The following SIDT1 variants were observed in gnomAD, a reference collection of about 807,000 sequenced individuals.
SIDT1 encodes the protein SID1 transmembrane family member 1, also known as SID1 transmembrane family, member 1.
SIDT1 carries 101 observed loss-of-function variants against 107.5 expected under a neutral mutation model. That is an observed-to-expected ratio of 0.94 (90% CI 0.80 to 1.11). The LOEUF is 1.11. SIDT1 is among the 50% of genes least tolerant of loss of function. The probability of loss-of-function intolerance (pLI) is 0.00; values close to 1 mark genes in which losing one functional copy is unlikely to be tolerated. For missense variants in SIDT1, 1,076 were observed against 1,058.2 expected (o/e 1.02, Z -0.23); for synonymous variants, 395 against 398.2 (o/e 0.99, Z 0.10).
At chr3:113,605,777 G>A (rs921252749) in intron 14 of SIDT1, among the ~76,000 whole-genome samples, 2 of 152,132 alleles carry the variant, frequency 1.3e-5, no homozygotes, top group East Asian at 3.9e-4. Flanking sequence ...GCCTAGGCAG[G>A]TGGATTGCCT....
At chr3:113,617,921 C>T (rs1946215879) in intron 20 of SIDT1, among the ~76,000 whole-genome samples, 1 of 152,182 alleles carries the variant, frequency 6.6e-6, no homozygotes, top group Non-Finnish European at 1.5e-5. Flanking sequence ...GATGAGCCTA[C>T]ACTGACACAT....
chr3:113,580,611 T>C lies in SIDT1; in HGVS notation c.565T>C (p.Phe189Leu). 6.3e-7 allele frequency: 1 copy of C among 1,586,496 alleles called. No individual in the cohort carries two copies. Among genetic ancestry groups the C allele is most frequent in the Non-Finnish European group, 8.7e-7 (1 of 1,155,288 alleles). The change falls in exon 5 of 25, where the codon TTT (phenylalanine) becomes CTT (leucine). Residue 189 changes from phenylalanine (F) to leucine (L), a missense_variant. Physicochemically the swap from Phe to Leu is conservative, Grantham distance 22. Transcript: ENST00000264852. The stretch of plus-strand genomic sequence containing the variant: ...TCTTTCTTTTTCTTATTCTCAGTAT[T>C]TTCTATACAAGTTTCCCAAAGACGT... The part of the protein sequence containing the change: ...FTASPSQPQY[F>L]LYKFPKDVDS...
intron 1 of SIDT1, among the ~76,000 whole-genome samples, chr3:113,547,568 G>T (rs1427912356): frequency 6.6e-6 from 1 of 152,110 alleles, no homozygotes; most frequent in Non-Finnish European, 1.5e-5. Flanking sequence ...TTTTGTACAA[G>T]ATTGAATAGG....
chr3:113,588,491 A>G (rs1341485945), intron 9 of SIDT1, among the ~76,000 whole-genome samples: 1 of 152,228 alleles, frequency 6.6e-6, no homozygotes, highest in Non-Finnish European at 1.5e-5. Context: ...AGTACGTGCT[A>G]TGAGATCAGG....
chr3:113,547,692 T>C (rs1939754003), intron 1 of SIDT1, among the ~76,000 whole-genome samples: 1 of 152,132 alleles, frequency 6.6e-6, no homozygotes, highest in Admixed American at 6.5e-5. Context: ...AAGAAAGCTA[T>C]TTATAATTCA....
chr3:113,629,693 G>A (rs1304892954), downstream of SIDT1: 2 of 152,222 alleles, frequency 1.3e-5, no homozygotes, highest in South Asian at 2.1e-4. Context: ...TGGCTGAAGC[G>A]AATAAATTTT....
intron 3 of SIDT1, among the ~76,000 whole-genome samples, chr3:113,575,602 T>C (rs1340399346): frequency 6.6e-6 from 1 of 152,256 alleles, no homozygotes. Flanking sequence ...AGTAGATATA[T>C]AAAAATTACA....
intron 19 of SIDT1, among the ~76,000 whole-genome samples, chr3:113,613,120 T>C (rs1262402148): frequency 6.6e-6 from 1 of 152,262 alleles, no homozygotes. Flanking sequence ...TGGTTGTGTC[T>C]TAAGGAGTCT....
At chr3:113,534,864 G>T (rs925465320) in intron 1 of SIDT1, among the ~76,000 whole-genome samples, 4 of 152,170 alleles carry the variant, frequency 2.6e-5, no homozygotes, top group Non-Finnish European at 5.9e-5. Flanking sequence ...TACTGTGTGA[G>T]TTTTGCACTT....
chr3:113,573,006 T>C (rs551069310), intron 3 of SIDT1, among the ~76,000 whole-genome samples: 3 of 148,562 alleles, frequency 2.0e-5, no homozygotes, highest in South Asian at 4.2e-4. Flanking sequence ...CTTTTTTTTT[T>C]TTTCTCTCTT....
chr3:113,594,972 G>A (rs548203288), intron 10 of SIDT1: 5 of 154,372 alleles, frequency 3.2e-5, no homozygotes, highest in Non-Finnish European at 4.4e-5. Flanking sequence ...CAGCACCAGA[G>A]GGAAGGACCT....
In SIDT1 at chr3:113,607,057, G is replaced by T; in HGVS notation, c.1421G>T (p.Gly474Val). The change falls in exon 15 of 25, where the codon GGC becomes GTC. Residue 474 changes from glycine (G) to valine (V), a missense_variant. Coordinates refer to ENST00000264852, the MANE Select transcript of SIDT1 (RefSeq NM_017699.3). ...ITYQTVVNVT[G>V]NQDICYYNFL... Reference sequence around the variant, plus strand: ...ATTTTACAGGTGGTAAATGTCACTGGCAACCAGGACATCTGTTACTACAAC... The same window carrying T: ...ATTTTACAGGTGGTAAATGTCACTGTCAACCAGGACATCTGTTACTACAAC... The T allele has an allele frequency of 6.2e-7, 1 of 1,611,802 alleles. No individual in the cohort carries two copies. The highest frequency in any genetic ancestry group is 8.5e-7 in the Non-Finnish European group (1 of 1,177,922).
Position 113,601,637 on chromosome 3 carries a change from A to T in SIDT1, c.1095A>T (p.Glu365Asp). ...ATCCCATTGCTGCCAGCACACCCGA[A>T]GGGAGCAATTATGGGACAATAGGTA... Reference protein sequence around the residue: ...ASHPIAASTPEGSNYGTIDES... With the variant: ...ASHPIAASTPDGSNYGTIDES... The change falls in exon 11 of 25, where the codon GAA (glutamate) becomes GAT (aspartate). Residue 365 changes from glutamate (E) to aspartate (D), a missense_variant. Transcript: ENST00000264852. 1.9e-6 allele frequency: 3 copies of T among 1,613,772 alleles called. No individual in the cohort carries two copies. The highest frequency in any genetic ancestry group is 2.7e-5 in the African/African-American group (2 of 75,040).
In SIDT1 at chr3:113,627,723, G is replaced by C. The variant is rs527801900; in HGVS notation, c.*15G>C. ...CTGTCTTCTGAACCTCCAACATTAAGAGAGGGGAGGGAGCGATCAATCTTG... is the reference window on the plus strand; with the variant it reads ...CTGTCTTCTGAACCTCCAACATTAACAGAGGGGAGGGAGCGATCAATCTTG... On this transcript the variant is annotated 3_prime_UTR_variant, in exon 25 of 25. Coordinates refer to ENST00000264852, the MANE Select transcript of SIDT1 (RefSeq NM_017699.3). 3.1e-6 allele frequency: 5 copies of C among 1,612,426 alleles called. No homozygotes were observed. In the South Asian group the frequency reaches 5.5e-5, roughly 18 times the overall value.
intron 6 of SIDT1, among the ~76,000 whole-genome samples, chr3:113,582,692 C>T (rs561969607): frequency 1.3e-5 from 2 of 152,208 alleles, no homozygotes; most frequent in South Asian, 2.1e-4. Flanking sequence ...GCCGAGATCA[C>T]GCCACCACAC....
chr3:113,544,264 C>T (rs920501780), intron 1 of SIDT1, among the ~76,000 whole-genome samples: 6 of 152,096 alleles, frequency 3.9e-5, no homozygotes, highest in Admixed American at 2.6e-4. Flanking sequence ...GATCTCGGCT[C>T]ACTGCAATCT....
chr3:113,569,034 G>T (rs150067828), intron 3 of SIDT1, among the ~76,000 whole-genome samples: 2 of 151,272 alleles, frequency 1.3e-5, no homozygotes, highest in Non-Finnish European at 2.9e-5. Flanking sequence ...CAGCTAATCC[G>T]GAGGCTGAGG....
At position 113,611,663 on chromosome 3, in the gene SIDT1, C is replaced by T. The variant is rs530426610; in HGVS notation, c.1858-423C>T. On this transcript the variant is annotated intron_variant, in intron 18 of 24. Transcript: ENST00000264852. ...AATGTATTAGGCACCTGTAAAAAGA[C>T]CACTGGATAATTTTAATATAAAGCT... Among the ~76,000 whole-genome samples the T allele has an allele frequency of 2.6e-5, 4 of 152,164 alleles. No homozygotes were observed. The East Asian group carries it at 7.7e-4, about 29-fold the overall frequency.
chr3:113,592,139 G>GTGGGGAA (rs1315311487), intron 9 of SIDT1, among the ~76,000 whole-genome samples: 1 of 152,172 alleles, frequency 6.6e-6, no homozygotes, highest in Non-Finnish European at 1.5e-5. Flanking sequence ...GGGATGGGGA[G>GTGGGGAA]TGGGGAATGG....
Sources: gnomAD v4.1 joint callset for allele counts (sites outside exome capture counted in the v4.1 genomes callset) on GRCh38, gnomAD v4.1.1 for gene constraint, MANE v1.5 for transcripts, NCBI Gene and HGNC (gene_info 2026-07-23, HGNC 2026-07-21) for gene names.